BNC2: variants seen among roughly 807,000 people sequenced by gnomAD.
BNC2 encodes the protein basonuclin zinc finger protein 2, also known as zinc finger protein basonuclin-2.
A neutral mutation model predicts 76.3 loss-of-function variants in BNC2; 20 were observed. The observed-to-expected ratio is 0.26, with a 90% CI of 0.18 to 0.38. BNC2 has a LOEUF of 0.38. Among genes scored for constraint, BNC2 ranks in the 10% least tolerant of loss-of-function variants. The pLI, the probability that BNC2 is intolerant of heterozygous loss-of-function variation, is 1.00. For missense variants in BNC2, 1,382 were observed against 1,399.8 expected (o/e 0.99, Z 0.20); for synonymous variants, 582 against 514.8 (o/e 1.13, Z -1.77).
chr9:16,442,460 A>G (rs1025885667), intron 5 of BNC2, among the ~76,000 whole-genome samples: 1 of 152,196 alleles, frequency 6.6e-6, no homozygotes, highest in African/African-American at 2.4e-5. Context: ...CATGGTTTAA[A>G]TGGTTTTATC....
At chr9:16,758,604 C>T (rs1184398685) in intron 1 of BNC2, among the ~76,000 whole-genome samples, 2 of 152,126 alleles carry the variant, frequency 1.3e-5, no homozygotes, top group South Asian at 2.1e-4. Context: ...GCTGAGATTA[C>T]GGGCATGAGC....
intron 1 of BNC2, among the ~76,000 whole-genome samples, chr9:16,828,975 C>T (rs1388840976): frequency 6.7e-6 from 1 of 149,554 alleles, no homozygotes; most frequent in Non-Finnish European, 1.5e-5. Flanking sequence ...GGGGAGAGGC[C>T]GCATGTGTGA....
intron 1 of BNC2, among the ~76,000 whole-genome samples, chr9:16,792,859 T>C (rs187941459): frequency 1.3e-5 from 2 of 152,330 alleles, no homozygotes; most frequent in Admixed American, 6.5e-5. Context: ...CCATATGGAA[T>C]AGGAACGTGG....
At chr9:16,846,963 C>T (rs1045017775) in intron 1 of BNC2, among the ~76,000 whole-genome samples, 1 of 152,178 alleles carries the variant, frequency 6.6e-6, no homozygotes, top group African/African-American at 2.4e-5. Context: ...TTTGGAAACA[C>T]CCGAAACTTA....
At chr9:16,517,753 G>A (rs2132025252) in intron 5 of BNC2, among the ~76,000 whole-genome samples, 1 of 152,048 alleles carries the variant, frequency 6.6e-6, no homozygotes, top group East Asian at 1.9e-4. Context: ...AATATGCCTG[G>A]GGTGTTTATA....
intron 1 of BNC2, among the ~76,000 whole-genome samples, chr9:16,818,062 T>C (rs1021634232): frequency 3.3e-5 from 5 of 151,818 alleles, no homozygotes; most frequent in African/African-American, 4.8e-5. Context: ...CAATGTGAAA[T>C]TGCAAGCAAA....
At chr9:16,749,685 G>A (rs7853764) in intron 1 of BNC2, among the ~76,000 whole-genome samples, 130,164 of 150,806 alleles carry the variant, frequency 0.86, 56,418 homozygotes, top group Non-Finnish European at 0.91. Flanking sequence ...AGGCAAGAGA[G>A]AGAGATCCTG....
intron 1 of BNC2, among the ~76,000 whole-genome samples, chr9:16,829,985 C>A (rs1373413048): frequency 2.6e-5 from 4 of 152,104 alleles, no homozygotes; most frequent in Non-Finnish European, 5.9e-5. Context: ...GTAGAATGGG[C>A]CTTACTTAAG....
chr9:16,461,385 C>G lies in BNC2; in HGVS notation c.670-23861G>C, dbSNP rs376290944. Among the ~76,000 whole-genome samples the G allele has an allele frequency of 9.2e-5, 14 of 152,222 alleles. No homozygotes were observed. In the East Asian group the frequency reaches 1.7e-3, roughly 19 times the overall value. Reference sequence around the variant, plus strand: ...AAGAACAAGTACAGAACTTCCTTCACAGAACAGAGAAGCCACTTGAATGAG... The same window carrying G: ...AAGAACAAGTACAGAACTTCCTTCAGAGAACAGAGAAGCCACTTGAATGAG... On this transcript the variant is annotated intron_variant, in intron 5 of 6. Coordinates refer to ENST00000380672, the MANE Select transcript of BNC2 (RefSeq NM_017637.6).
intron 6 of BNC2, among the ~76,000 whole-genome samples, chr9:16,423,845 C>T (rs1169950424): frequency 6.6e-6 from 1 of 152,152 alleles, no homozygotes; most frequent in Non-Finnish European, 1.5e-5. Flanking sequence ...AACCTCTGTA[C>T]TCTTTCTATA....
At chr9:16,477,275 T>C (rs1385423075) in intron 5 of BNC2, among the ~76,000 whole-genome samples, 1 of 152,058 alleles carries the variant, frequency 6.6e-6, no homozygotes, top group Non-Finnish European at 1.5e-5. Context: ...GAGAAAATTT[T>C]AAAACTATCA....
chr9:16,603,607 C>T (rs1350728676), intron 3 of BNC2, among the ~76,000 whole-genome samples: 1 of 152,114 alleles, frequency 6.6e-6, no homozygotes, highest in African/African-American at 2.4e-5. Context: ...AAAGACTCAA[C>T]AATTAGAGCA....
At chr9:16,737,682 CAG>C (rs1256856274) in intron 2 of BNC2, among the ~76,000 whole-genome samples, 1 of 151,698 alleles carries the variant, frequency 6.6e-6, no homozygotes, top group Non-Finnish European at 1.5e-5. Context: ...AATGTTGAAA[CAG>C]AGCAAATGTT....
chr9:16,825,044 C>CTT (rs56055394), intron 1 of BNC2, among the ~76,000 whole-genome samples: 6,710 of 148,812 alleles, frequency 0.045, 345 homozygotes, highest in Admixed American at 0.17. Context: ...TCTTACCCCT[C>CTT]TTTTTTTTTT....
At chr9:16,423,846 T>C (rs1587010036) in intron 6 of BNC2, among the ~76,000 whole-genome samples, 1 of 152,320 alleles carries the variant, frequency 6.6e-6, no homozygotes, top group African/African-American at 2.4e-5. Flanking sequence ...ACCTCTGTAC[T>C]CTTTCTATAC....
chr9:16,454,075 A>G (rs940530514), intron 5 of BNC2, among the ~76,000 whole-genome samples: 5 of 152,096 alleles, frequency 3.3e-5, no homozygotes, highest in Admixed American at 1.3e-4. Context: ...TGGCCCACCT[A>G]TCAAATGTTA....
At chr9:16,662,738 A>C (rs1464714719) in intron 3 of BNC2, among the ~76,000 whole-genome samples, 1 of 139,542 alleles carries the variant, frequency 7.2e-6, no homozygotes, top group East Asian at 1.9e-4. Context: ...TGTCTCAAAA[A>C]ATAAAATAAA....
intron 3 of BNC2, among the ~76,000 whole-genome samples, chr9:16,706,541 A>C (rs1053547267): frequency 3.3e-5 from 5 of 152,216 alleles, no homozygotes; most frequent in Non-Finnish European, 7.3e-5. Context: ...TAAAATACAA[A>C]ATGATGATCT....
chr9:16,653,029 A>ATGTTTCTG (rs1018195267), intron 3 of BNC2, among the ~76,000 whole-genome samples: 45 of 152,260 alleles, frequency 3.0e-4, no homozygotes, highest in African/African-American at 9.6e-4. Context: ...ATATGTTTCT[A>ATGTTTCTG]TTTATATTAG....
Sources: gnomAD v4.1 joint callset for allele counts (sites outside exome capture counted in the v4.1 genomes callset) on GRCh38, gnomAD v4.1.1 for gene constraint, MANE v1.5 for transcripts, NCBI Gene and HGNC (gene_info 2026-07-23, HGNC 2026-07-21) for gene names.